ANO4: variants seen among roughly 807,000 people sequenced by gnomAD.
ANO4 encodes the protein anoctamin-4.
A neutral mutation model predicts 141.9 loss-of-function variants in ANO4; 69 were observed. That is an observed-to-expected ratio of 0.49 (90% confidence interval 0.40 to 0.59). The LOEUF is 0.59. Among genes scored for constraint, ANO4 ranks in the 20% least tolerant of loss-of-function variants. ANO4 has a pLI of 0.00. For missense variants in ANO4, 894 were observed against 1,162.2 expected (o/e 0.77, Z 3.36); for synonymous variants, 350 against 394.3 (o/e 0.89, Z 1.33).
intron 9 of ANO4, among the ~76,000 whole-genome samples, chr12:101,024,616 T>C (rs2046660196): frequency 6.6e-6 from 1 of 151,700 alleles, no homozygotes; most frequent in Non-Finnish European, 1.5e-5. Flanking sequence ...AAAGTTATCA[T>C]GTGAGTCTCT....
intron 4 of ANO4, among the ~76,000 whole-genome samples, chr12:100,939,693 C>T (rs756268647): frequency 9.9e-5 from 15 of 152,184 alleles, no homozygotes; most frequent in Middle Eastern, 3.4e-3. Context: ...TTAAACTGTC[C>T]GTCATTTTAA....
chr12:100,921,867 T>C (rs553266534), intron 2 of ANO4, among the ~76,000 whole-genome samples: 1 of 152,286 alleles, frequency 6.6e-6, no homozygotes, highest in South Asian at 2.1e-4. Context: ...TTTGTGTTAA[T>C]GTCACATTTA....
chr12:100,734,810 G>A (rs1296588148), intron 2 of ANO4, among the ~76,000 whole-genome samples: 1 of 152,118 alleles, frequency 6.6e-6, no homozygotes. Context: ...TTATTATGAG[G>A]TTACTTAAGT....
At chr12:101,119,423 C>T (rs1168962577) in intron 25 of ANO4, among the ~76,000 whole-genome samples, 1 of 152,088 alleles carries the variant, frequency 6.6e-6, no homozygotes, top group Non-Finnish European at 1.5e-5. Context: ...CACTGCACTC[C>T]AGCCTGGGTG....
At chr12:100,922,146 A>T in intron 2 of ANO4, 80 bp from the exon 3 acceptor site, 1 of 995,156 alleles carries the variant, frequency 1.0e-6, no homozygotes, top group South Asian at 2.4e-5. Context: ...TTGGATTTTG[A>T]CATAGCTTCT....
rs1593587504 is a variant in ANO4, at chr12:100,872,603, T to C, written c.-140-29043T>C. Among the ~76,000 whole-genome samples the C allele has an allele frequency of 2.6e-5, 4 of 152,218 alleles. 1 individual carries two copies. The South Asian group carries it at 8.3e-4, about 32-fold the overall frequency. On this transcript the variant is annotated intron_variant, in intron 1 of 27. Transcript: ENST00000392977. The stretch of plus-strand genomic sequence containing the variant: ...CTCCTTTAGCTTCAGTAAATTAACA[T>C]GTTATAGTAAGAACCTTGTTCATTT...
chr12:100,938,414 G>A (rs1382554712), intron 3 of ANO4, among the ~76,000 whole-genome samples: 1 of 152,180 alleles, frequency 6.6e-6, no homozygotes, highest in Non-Finnish European at 1.5e-5. Flanking sequence ...ACTGTATTAC[G>A]TGCTTGGGTA....
chr12:101,015,596 C>G (rs137859235), intron 8 of ANO4, among the ~76,000 whole-genome samples: 10 of 152,132 alleles, frequency 6.6e-5, no homozygotes, highest in Non-Finnish European at 1.3e-4. Context: ...ACTTTGCACA[C>G]GGGTAAGTAT....
intron 16 of ANO4, among the ~76,000 whole-genome samples, chr12:101,085,874 G>A (rs955562568): frequency 1.3e-5 from 2 of 152,126 alleles, no homozygotes; most frequent in South Asian, 2.1e-4. Context: ...CTGTCCTTAT[G>A]GAGCTTACTT....
chr12:100,809,213 C>A (rs2035244641), intron 1 of ANO4, among the ~76,000 whole-genome samples: 1 of 152,022 alleles, frequency 6.6e-6, no homozygotes, highest in African/African-American at 2.4e-5. Context: ...ATGGCAAAAC[C>A]CCATCTCTAC....
chr12:100,928,781 G>T (rs1357378586), intron 3 of ANO4, among the ~76,000 whole-genome samples: 1 of 152,070 alleles, frequency 6.6e-6, no homozygotes, highest in Admixed American at 6.6e-5. Context: ...AGTAACCAAG[G>T]TGTTCACCTT....
chr12:100,874,837 C>T (rs1421686228), intron 1 of ANO4, among the ~76,000 whole-genome samples: 2 of 152,176 alleles, frequency 1.3e-5, no homozygotes, highest in Admixed American at 6.6e-5. Flanking sequence ...TTAAGCTGCC[C>T]TGCTTGGTTT....
At chr12:100,938,667 C>G (rs1178143274) in intron 3 of ANO4, among the ~76,000 whole-genome samples, 1 of 152,160 alleles carries the variant, frequency 6.6e-6, no homozygotes, top group Admixed American at 6.6e-5. Flanking sequence ...CCGTGATATA[C>G]AGCACTTTAT....
chr12:101,090,488 T>C (rs1211179195), intron 17 of ANO4, among the ~76,000 whole-genome samples: 2 of 152,088 alleles, frequency 1.3e-5, no homozygotes, highest in Non-Finnish European at 2.9e-5. Context: ...CTGAGCAAAC[T>C]ATCGCAAGGA....
intron 8 of ANO4, among the ~76,000 whole-genome samples, chr12:101,004,921 T>C (rs2045808394): frequency 6.6e-6 from 1 of 152,192 alleles, no homozygotes; most frequent in Non-Finnish European, 1.5e-5. Context: ...AGGGGGATCA[T>C]GGAAGATAAA....
At chr12:101,066,135 GACAGACCA>G (rs1228324275) in intron 14 of ANO4, among the ~76,000 whole-genome samples, 3 of 152,190 alleles carry the variant, frequency 2.0e-5, no homozygotes, top group Non-Finnish European at 2.9e-5. Context: ...AGCCACATAT[GACAGACCA>G]ACAGCTAGTA....
At chr12:100,804,526 C>T (rs1418257147) in intron 1 of ANO4, among the ~76,000 whole-genome samples, 1 of 152,206 alleles carries the variant, frequency 6.6e-6, no homozygotes, top group African/African-American at 2.4e-5. Context: ...GGAATTGCTA[C>T]AGTGTCTTCT....
chr12:101,110,348 G>T, intron 22 of ANO4, 56 bp from the exon 23 acceptor site: 2 of 1,504,120 alleles, frequency 1.3e-6, no homozygotes, highest in Non-Finnish European at 1.8e-6. Flanking sequence ...TGATCCCTTT[G>T]AAAATAGTAA....
At chr12:100,751,497 A>G (rs1317924539) in intron 3 of ANO4, among the ~76,000 whole-genome samples, 2 of 152,054 alleles carry the variant, frequency 1.3e-5, no homozygotes, top group African/African-American at 2.4e-5. Flanking sequence ...GTGGGTATAT[A>G]TTTTGGAAAC....
Sources: gnomAD v4.1 joint callset for allele counts (sites outside exome capture counted in the v4.1 genomes callset) on GRCh38, gnomAD v4.1.1 for gene constraint, MANE v1.5 for transcripts, NCBI Gene and HGNC (gene_info 2026-07-23, HGNC 2026-07-21) for gene names.